The following ROBO1 variants were observed in gnomAD, a reference collection of about 807,000 sequenced individuals.
ROBO1 encodes roundabout homolog 1.
A neutral mutation model predicts 195.9 loss-of-function variants in ROBO1; 149 were observed. That is an observed-to-expected ratio of 0.76 (90% confidence interval 0.67 to 0.87). The LOEUF (loss-of-function observed/expected upper bound fraction) is 0.87. Ranked by LOEUF, ROBO1 falls within the 40% of genes least tolerant of loss-of-function variation. ROBO1 has a pLI of 0.00. For missense variants in ROBO1, 1,933 were observed against 2,068.3 expected, an observed-to-expected ratio of 0.93 and a Z score of 1.27; for synonymous variants, 816 against 733.2, an observed-to-expected ratio of 1.11 and a Z score of -1.82.
intron 1 of ROBO1, among the ~76,000 whole-genome samples, chr3:79,690,550 G>A (rs11127656): frequency 0.25 from 38,553 of 151,858 alleles, 5,027 homozygotes; most frequent in Admixed American, 0.3. Context: ...GTGAAATTGT[G>A]TTAGATGTCC....
At position 79,711,957 on chromosome 3, in the gene ROBO1, G is replaced by T. The variant is rs565079047; in HGVS notation, c.-51+55795C>A. On this transcript the variant is annotated intron_variant, in intron 1 of 30. Coordinates refer to ENST00000464233, the MANE Select transcript of ROBO1 (RefSeq NM_002941.4). ...TGGGGGAGCACTATGAACTTTGCCC[G>T]TATAGGACAGGAAGCTTAATTGATC... Among the ~76,000 whole-genome samples the T allele has an allele frequency of 7.9e-5, 12 of 152,028 alleles. No homozygotes were observed. In the South Asian group the frequency reaches 2.3e-3, roughly 29 times the overall value.
chr3:78,954,966 T>TC (rs397827453), intron 3 of ROBO1, among the ~76,000 whole-genome samples: 1 of 149,914 alleles, frequency 6.7e-6, no homozygotes, highest in Non-Finnish European at 1.5e-5. Context: ...TTTTTTTTTT[T>TC]ACTTTTATGT....
At chr3:79,123,701 C>T (rs1372514696) in intron 3 of ROBO1, among the ~76,000 whole-genome samples, 1 of 151,970 alleles carries the variant, frequency 6.6e-6, no homozygotes, top group African/African-American at 2.4e-5. Context: ...CTTTCAGTCA[C>T]TTTGCATTAA....
At chr3:78,608,892 A>G (rs1160195430) in intron 28 of ROBO1, among the ~76,000 whole-genome samples, 1 of 152,160 alleles carries the variant, frequency 6.6e-6, no homozygotes, top group African/African-American at 2.4e-5. Context: ...ATGCAACAAA[A>G]GGGAGAGTTT....
chr3:78,652,942 C>A (rs1706769028), intron 18 of ROBO1, among the ~76,000 whole-genome samples: 1 of 151,986 alleles, frequency 6.6e-6, no homozygotes, highest in African/African-American at 2.4e-5. Context: ...TGAGTGATAT[C>A]AACCCTGAGG....
At chr3:78,739,568 A>G (rs1420180180) in intron 5 of ROBO1, among the ~76,000 whole-genome samples, 1 of 152,158 alleles carries the variant, frequency 6.6e-6, no homozygotes, top group Non-Finnish European at 1.5e-5. Context: ...TTTTCTTTAG[A>G]TAACCTCTAC....
intron 1 of ROBO1, among the ~76,000 whole-genome samples, chr3:79,668,208 C>A (rs1193047662): frequency 6.6e-6 from 1 of 151,662 alleles, no homozygotes; most frequent in East Asian, 1.9e-4. Flanking sequence ...TTTGAAATGA[C>A]TTTCTAAGGG....
chr3:78,762,353 C>T (rs1576113563), intron 4 of ROBO1, among the ~76,000 whole-genome samples: 1 of 151,994 alleles, frequency 6.6e-6, no homozygotes, highest in African/African-American at 2.4e-5. Flanking sequence ...ACATAGATTT[C>T]CCCCTTGACC....
chr3:78,685,924 C>T lies in ROBO1; in HGVS notation c.1171-7G>A. The T allele has an allele frequency of 6.4e-7, 1 of 1,553,906 alleles. No individual in the cohort carries two copies. The highest frequency in any genetic ancestry group is 1.2e-5 in the South Asian group (1 of 83,656). Reference sequence around the variant, plus strand: ...GATATGAGAAAAGTAGATTCTAGAACCCAGAAATTGGGATGGAGGAAAATA... The same window carrying T: ...GATATGAGAAAAGTAGATTCTAGAATCCAGAAATTGGGATGGAGGAAAATA... On this transcript the variant is annotated splice_region_variant and splice_polypyrimidine_tract_variant and intron_variant, in intron 9 of 30. Coordinates refer to ENST00000464233, the MANE Select transcript of ROBO1 (RefSeq NM_002941.4).
chr3:79,748,622 A>G (rs1195230028), intron 1 of ROBO1, among the ~76,000 whole-genome samples: 3 of 152,218 alleles, frequency 2.0e-5, no homozygotes, highest in Non-Finnish European at 4.4e-5. Flanking sequence ...TAACTCCCAC[A>G]ATTCCCATGT....
chr3:79,450,417 C>T (rs1179310715), intron 2 of ROBO1, among the ~76,000 whole-genome samples: 1 of 151,770 alleles, frequency 6.6e-6, no homozygotes, highest in Non-Finnish European at 1.5e-5. Flanking sequence ...AATAATAATA[C>T]TGAGAGGTGA....
At chr3:79,250,099 C>A (rs2108906163) in intron 2 of ROBO1, among the ~76,000 whole-genome samples, 1 of 152,188 alleles carries the variant, frequency 6.6e-6, no homozygotes, top group African/African-American at 2.4e-5. Flanking sequence ...AGAAGCTAGG[C>A]TGATACAGAT....
intron 3 of ROBO1, among the ~76,000 whole-genome samples, chr3:78,984,854 T>C (rs2077070792): frequency 6.6e-6 from 1 of 151,998 alleles, no homozygotes; most frequent in Non-Finnish European, 1.5e-5. Context: ...ACAACATGAG[T>C]TTGAACTGTG....
intron 5 of ROBO1, among the ~76,000 whole-genome samples, chr3:78,718,539 T>C (rs745403823): frequency 9.2e-5 from 14 of 152,146 alleles, no homozygotes; most frequent in Middle Eastern, 3.4e-3. Context: ...CTTGAACATA[T>C]AATTAATTGA....
chr3:79,629,377 C>T (rs1272808897), intron 1 of ROBO1, among the ~76,000 whole-genome samples: 1 of 151,810 alleles, frequency 6.6e-6, no homozygotes, highest in Non-Finnish European at 1.5e-5. Flanking sequence ...TACATGGAAC[C>T]TAAATAACTT....
intron 2 of ROBO1, among the ~76,000 whole-genome samples, chr3:79,456,047 G>A (rs2039609564): frequency 1.3e-5 from 2 of 152,060 alleles, no homozygotes; most frequent in Admixed American, 1.3e-4. Flanking sequence ...TGCTTTTGGT[G>A]TTCATGCTCA....
intron 3 of ROBO1, among the ~76,000 whole-genome samples, chr3:79,044,126 TAA>T (rs71127374): frequency 4.3e-5 from 6 of 140,084 alleles, no homozygotes; most frequent in African/African-American, 1.1e-4. Context: ...GTTGATGAGC[TAA>T]AAAAAAAAAA....
chr3:79,597,146 T>C (rs1345715148), intron 1 of ROBO1, among the ~76,000 whole-genome samples: 3 of 151,894 alleles, frequency 2.0e-5, no homozygotes. Flanking sequence ...TGTGTGTGTG[T>C]GTGTATTATG....
intron 2 of ROBO1, among the ~76,000 whole-genome samples, chr3:79,582,237 T>C (rs1331928630): frequency 1.3e-5 from 2 of 151,786 alleles, no homozygotes. Context: ...CTTTTTCATC[T>C]CTATGGTCCT....
Sources: allele counts gnomAD v4.1 joint callset (sites outside exome capture counted in the v4.1 genomes callset), GRCh38; gene constraint gnomAD v4.1.1; transcripts MANE v1.5; gene names NCBI Gene and HGNC (gene_info 2026-07-23, HGNC 2026-07-21).